SYNE1: variants seen among roughly 807,000 people sequenced by gnomAD.
SYNE1 encodes spectrin repeat containing nuclear envelope protein 1.
In SYNE1, 616 loss-of-function variants were observed where a neutral mutation model predicts 1,111.0. The observed-to-expected ratio is 0.55, with a 90% CI of 0.52 to 0.59. The LOEUF is 0.59. SYNE1 is among the 20% of genes least tolerant of loss of function. The pLI, the probability that SYNE1 is intolerant of heterozygous loss-of-function variation, is 0.00. For missense variants in SYNE1, 10,006 were observed against 10,417.0 expected, an observed-to-expected ratio of 0.96 and a Z score of 1.72; for synonymous variants, 3,855 against 3,825.8, an observed-to-expected ratio of 1.01 and a Z score of -0.28.
chr6:152,382,453 A>C (rs2097436307), intron 55 of SYNE1, among the ~76,000 whole-genome samples: 1 of 152,180 alleles, frequency 6.6e-6, no homozygotes, highest in Admixed American at 6.5e-5. Flanking sequence ...AACTTGAAAT[A>C]AATATATCTG....
chr6:152,236,995 G>C (rs374801860), intron 108 of SYNE1, 47 bp from the exon 109 acceptor site: 1 of 1,607,614 alleles, frequency 6.2e-7, no homozygotes, highest in Non-Finnish European at 8.5e-7. Flanking sequence ...CCTCATTAGC[G>C]AAAGACATTC....
chr6:152,573,868 A>G (rs2128335230), intron 3 of SYNE1, among the ~76,000 whole-genome samples: 1 of 152,304 alleles, frequency 6.6e-6, no homozygotes, highest in Non-Finnish European at 1.5e-5. Flanking sequence ...ATGACTAAGA[A>G]ACAAAACAGG....
At chr6:152,324,779 C>T (rs1021510936) in intron 81 of SYNE1, among the ~76,000 whole-genome samples, 49 of 152,192 alleles carry the variant, frequency 3.2e-4, no homozygotes, top group Admixed American at 9.8e-4. Context: ...CCAGCCTGGG[C>T]GACAGAGGGA....
Position 152,163,668 on chromosome 6 carries a change from T to C in SYNE1, c.23790+495A>G, listed in dbSNP as rs183090407. ...ATGAAAGTGGAATTACTGTGTGCGA[T>C]CTGCAGGTCATGCAATCCTTTTTGC... On this transcript the variant is annotated intron_variant, in intron 131 of 145. Coordinates refer to ENST00000367255, the MANE Select transcript of SYNE1 (RefSeq NM_182961.4). Among the ~76,000 whole-genome samples, 42 of 152,252 alleles carry C rather than the reference T, an allele frequency of 2.8e-4. No individual in the cohort carries two copies. The East Asian group carries it at 6.9e-3, about 25-fold the overall frequency.
intron 3 of SYNE1, among the ~76,000 whole-genome samples, chr6:152,586,085 G>C (rs990297039): frequency 2.0e-5 from 3 of 151,990 alleles, no homozygotes; most frequent in African/African-American, 7.3e-5. Flanking sequence ...TCCACCCTGA[G>C]TATATATATG....
In SYNE1 at chr6:152,391,328, C is replaced by G. The variant is rs1187951839; in HGVS notation, c.7953G>C (p.Glu2651Asp). Reference sequence around the variant, plus strand: ...GGGTGTCTTTGCTCCCAAGAGTGCTCTCTGCACAGGCCAGTCTGTCCTGAA... The same window carrying G: ...GGGTGTCTTTGCTCCCAAGAGTGCTGTCTGCACAGGCCAGTCTGTCCTGAA... ...KAIQDRLACAESTLGSKDTLE... is the reference protein window; with the variant it reads ...KAIQDRLACADSTLGSKDTLE... The change falls in exon 52 of 146, where the codon GAG (glutamate) becomes GAC (aspartate). Residue 2651 changes from glutamate to aspartate, a missense_variant. Around this residue, in one of 7 missense-constraint regions of SYNE1, gnomAD observed 4,955 missense variants for 5,017.2 expected, o/e 0.99. Transcript: ENST00000367255. 1 of 1,614,106 alleles carries G rather than the reference C, an allele frequency of 6.2e-7. No homozygotes were observed. The highest frequency in any genetic ancestry group is 8.5e-7 in the Non-Finnish European group (1 of 1,180,004).
intron 11 of SYNE1, among the ~76,000 whole-genome samples, chr6:152,489,848 G>A (rs918961759): frequency 6.6e-6 from 1 of 152,070 alleles, no homozygotes; most frequent in Non-Finnish European, 1.5e-5. Context: ...ACAAATTGCT[G>A]GGCACCACCC....
chr6:152,374,794 AT>A (rs2097252071), intron 58 of SYNE1, among the ~76,000 whole-genome samples: 1 of 151,980 alleles, frequency 6.6e-6, no homozygotes. Flanking sequence ...AAATAAATAA[AT>A]AAATAAAAAG....
intron 43 of SYNE1, 128 bp from the exon 44 acceptor site, chr6:152,409,354 A>C: frequency 9.5e-7 from 1 of 1,053,070 alleles, no homozygotes; most frequent in Non-Finnish European, 1.4e-6. Flanking sequence ...GAGATTAATT[A>C]ACTATATGAA....
Position 152,385,732 on chromosome 6 carries a change from C to A in SYNE1, c.8594G>T (p.Arg2865Leu), listed in dbSNP as rs375152186. 1.2e-6 allele frequency: 2 copies of A among 1,614,064 alleles called. No homozygotes were observed. The highest frequency in any genetic ancestry group is 2.2e-5 in the East Asian group (1 of 44,856). ...WLHSAKEELH[R>L]WSDMSGDSSA... ...TGAATCTCCAGACATATCTGACCACCGGTGAAGTTCTTCCTTTGCTGAATG... is the reference window on the plus strand; with the variant it reads ...TGAATCTCCAGACATATCTGACCACAGGTGAAGTTCTTCCTTTGCTGAATG... The change falls in exon 55 of 146, where the codon CGG (arginine) becomes CTG (leucine). Residue 2865 changes from arginine to leucine, a missense_variant. Around this residue, in one of 7 missense-constraint regions of SYNE1, gnomAD observed 4,955 missense variants for 5,017.2 expected, o/e 0.99. Transcript: ENST00000367255.
chr6:152,192,468 A>G (rs2072785427), intron 127 of SYNE1, among the ~76,000 whole-genome samples: 1 of 152,006 alleles, frequency 6.6e-6, no homozygotes, highest in South Asian at 2.1e-4. Context: ...AAAAAATTAA[A>G]TGTATATTAT....
At chr6:152,500,278 G>A (rs909177258) in intron 10 of SYNE1, among the ~76,000 whole-genome samples, 1 of 152,158 alleles carries the variant, frequency 6.6e-6, no homozygotes, top group African/African-American at 2.4e-5. Context: ...AGCCCCAGAT[G>A]ACTCCAAAAT....
intron 55 of SYNE1, among the ~76,000 whole-genome samples, chr6:152,383,882 C>T (rs1423503421): frequency 6.6e-6 from 1 of 152,210 alleles, no homozygotes; most frequent in Non-Finnish European, 1.5e-5. Flanking sequence ...ATGTCTTCAC[C>T]TCTATCACCA....
At chr6:152,479,548 A>C (rs2098867627) in intron 14 of SYNE1, among the ~76,000 whole-genome samples, 1 of 152,174 alleles carries the variant, frequency 6.6e-6, no homozygotes, top group Non-Finnish European at 1.5e-5. Context: ...ACCTTGGGCA[A>C]GTCACTTAAC....
rs116992469 is a variant in SYNE1, at chr6:152,579,013, A to T, written c.68-38992T>A. Among the ~76,000 whole-genome samples the T allele has an allele frequency of 2.0e-3, 312 of 152,336 alleles. 2 individuals are homozygous for T. The highest frequency in any genetic ancestry group is 0.011 in the South Asian group (53 of 4,824). ...ATGCAAATCTATAGTAAAGATAATGATATTTTACTTGCTACTTCTCACAAA... is the reference window on the plus strand; with the variant it reads ...ATGCAAATCTATAGTAAAGATAATGTTATTTTACTTGCTACTTCTCACAAA... On this transcript the variant is annotated intron_variant, in intron 3 of 145. Coordinates refer to ENST00000367255, the MANE Select transcript of SYNE1 (RefSeq NM_182961.4).
chr6:152,487,293 C>T (rs9322373), intron 12 of SYNE1, among the ~76,000 whole-genome samples: 40,216 of 151,992 alleles, frequency 0.26, 5,945 homozygotes, highest in East Asian at 0.46. Context: ...AGTGAGAACA[C>T]GCAGGGTTTG....
intron 39 of SYNE1, among the ~76,000 whole-genome samples, chr6:152,424,471 T>C (rs1216974494): frequency 6.6e-6 from 1 of 152,244 alleles, no homozygotes; most frequent in Non-Finnish European, 1.5e-5. Context: ...AATCTTTCCG[T>C]AAATTTCTGA....
chr6:152,567,594 T>C (rs2099418166), intron 3 of SYNE1, among the ~76,000 whole-genome samples: 1 of 152,196 alleles, frequency 6.6e-6, no homozygotes, highest in Non-Finnish European at 1.5e-5. Context: ...TTTTTTCAAC[T>C]GCCATGATGT....
chr6:152,421,074 A>C (rs2098251461), intron 39 of SYNE1, among the ~76,000 whole-genome samples: 1 of 152,250 alleles, frequency 6.6e-6, no homozygotes, highest in African/African-American at 2.4e-5. Context: ...TGAGGAATTC[A>C]GAAAAACTTT....
Sources: allele counts gnomAD v4.1 joint callset (sites outside exome capture counted in the v4.1 genomes callset), GRCh38; gene constraint gnomAD v4.1.1; regional missense constraint gnomAD v4.1.1; transcripts MANE v1.5; gene names NCBI Gene and HGNC (gene_info 2026-07-23, HGNC 2026-07-21).